STK3: variants seen among roughly 807,000 people sequenced by gnomAD.
STK3 encodes serine/threonine kinase 3.
A neutral mutation model predicts 58.0 loss-of-function variants in STK3; 41 were observed. The observed-to-expected ratio is 0.71, with a 90% CI of 0.55 to 0.92. The LOEUF is 0.92. Ranked by LOEUF, STK3 falls within the 40% of genes least tolerant of loss-of-function variation. The probability of loss-of-function intolerance (pLI) is 0.00; values close to 1 mark genes in which losing one functional copy is unlikely to be tolerated. For synonymous variants in STK3, 170 were observed against 191.0 expected, an observed-to-expected ratio of 0.89 and a Z score of 0.91; for missense variants, 479 against 602.7, an observed-to-expected ratio of 0.79 and a Z score of 2.15.
chr8:98,586,763 C>G (rs1051714214), intron 7 of STK3, among the ~76,000 whole-genome samples: 1 of 151,976 alleles, frequency 6.6e-6, no homozygotes, highest in Non-Finnish European at 1.5e-5. Context: ...TGATTATTGC[C>G]ACAATTTCAG....
At chr8:98,697,144 T>C (rs1396653086) in intron 6 of STK3, among the ~76,000 whole-genome samples, 3 of 152,252 alleles carry the variant, frequency 2.0e-5, no homozygotes, top group Non-Finnish European at 4.4e-5. Context: ...TTTATTTGCA[T>C]AGAGGTGTTT....
At chr8:98,911,818 TA>T in intron 1 of STK3, among the ~76,000 whole-genome samples, 1 of 151,356 alleles carries the variant, frequency 6.6e-6, no homozygotes, top group Middle Eastern at 3.4e-3. Flanking sequence ...GGGAATTTTT[TA>T]AAAAATGAAA....
chr8:98,724,325 G>A (rs1232193944), intron 4 of STK3, among the ~76,000 whole-genome samples: 2 of 152,186 alleles, frequency 1.3e-5, no homozygotes, highest in Non-Finnish European at 2.9e-5. Flanking sequence ...GCTTCACAGA[G>A]ATGACTTTTG....
intron 6 of STK3, among the ~76,000 whole-genome samples, chr8:98,611,402 A>G (rs928014977): frequency 6.6e-6 from 1 of 152,162 alleles, no homozygotes; most frequent in Admixed American, 6.5e-5. Flanking sequence ...AAAAAACAAT[A>G]GATCTCAGAA....
intron 10 of STK3, among the ~76,000 whole-genome samples, chr8:98,464,631 C>T (rs1481552408): frequency 1.3e-5 from 2 of 150,612 alleles, no homozygotes; most frequent in Non-Finnish European, 3.0e-5. Flanking sequence ...TGATTTAATT[C>T]CTGGCACTGA....
intron 1 of STK3, chr8:98,905,327 G>A (rs1407749415): frequency 3.3e-6 from 3 of 899,530 alleles, no homozygotes; most frequent in South Asian, 1.3e-5. Context: ...TGAAGTGTAT[G>A]AGGACATAAT....
intron 6 of STK3, among the ~76,000 whole-genome samples, chr8:98,685,379 A>G (rs532492896): frequency 6.8e-4 from 104 of 152,316 alleles, no homozygotes; most frequent in Middle Eastern, 3.4e-3. Flanking sequence ...AAGAGTAGGA[A>G]TGCCTCTTTC....
chr8:98,724,088 G>C (rs1296901682), intron 4 of STK3, among the ~76,000 whole-genome samples: 1 of 152,134 alleles, frequency 6.6e-6, no homozygotes, highest in African/African-American at 2.4e-5. Flanking sequence ...ATGACACTCA[G>C]AATTTTGTGG....
chr8:98,942,500 TGCGGA>T (rs1401381482), exon 1 of STK3: 1 of 152,254 alleles, frequency 6.6e-6, no homozygotes, highest in Admixed American at 6.5e-5. Flanking sequence ...TTAGGAGGTT[TGCGGA>T]AAGAGGGAGC....
At chr8:98,452,757 ATTTTTTTTT>A (rs11329886), downstream of STK3, among the ~76,000 whole-genome samples, 1 of 110,470 alleles carries the variant, frequency 9.1e-6, no homozygotes, top group Non-Finnish European at 1.9e-5. Context: ...AGACTTGAAG[ATTTTTTTTT>A]TTTTTTTTTT....
intron 6 of STK3, among the ~76,000 whole-genome samples, chr8:98,660,463 T>A (rs571734579): frequency 5.3e-5 from 8 of 152,148 alleles, no homozygotes; most frequent in Non-Finnish European, 1.0e-4. Context: ...AAAGTAAAAA[T>A]GGAAGATCTG....
At chr8:98,387,872 C>CTTTT (rs1178928185) in intron 1 of STK3, among the ~76,000 whole-genome samples, 2,070 of 144,610 alleles carry the variant, frequency 0.014, 78 homozygotes, top group East Asian at 0.12. Flanking sequence ...TGTAAAATGC[C>CTTTT]CTTTTTTTTT....
chr8:98,572,376 A>C (rs565049537), intron 8 of STK3, among the ~76,000 whole-genome samples: 1 of 152,282 alleles, frequency 6.6e-6, no homozygotes, highest in East Asian at 1.9e-4. Context: ...TTTATAAAAA[A>C]TATTTTACTT....
chr8:98,380,215 T>C (rs1393488700), intron 1 of STK3, among the ~76,000 whole-genome samples: 1 of 152,320 alleles, frequency 6.6e-6, no homozygotes, highest in East Asian at 1.9e-4. Context: ...GTGAATACGC[T>C]CTACGTTCCT....
intron 10 of STK3, among the ~76,000 whole-genome samples, chr8:98,490,072 T>C: frequency 6.6e-6 from 1 of 152,188 alleles, no homozygotes; most frequent in East Asian, 1.9e-4. Context: ...TGTTCTATAG[T>C]TTATTTCTTA....
chr8:98,903,654 C>T (rs1354925021), intron 1 of STK3, among the ~76,000 whole-genome samples: 1 of 151,662 alleles, frequency 6.6e-6, no homozygotes, highest in African/African-American at 2.4e-5. Flanking sequence ...ATCCTCTAGC[C>T]TCAGCCTTCC....
At chr8:98,724,334 T>G (rs1010239336) in intron 4 of STK3, among the ~76,000 whole-genome samples, 10 of 152,206 alleles carry the variant, frequency 6.6e-5, no homozygotes, top group African/African-American at 2.2e-4. Flanking sequence ...AGATGACTTT[T>G]GAGCTGACTC....
intron 3 of STK3, among the ~76,000 whole-genome samples, chr8:98,763,091 TA>T (rs1830733182): frequency 6.6e-6 from 1 of 152,204 alleles, no homozygotes; most frequent in Non-Finnish European, 1.5e-5. Context: ...ATAAAAGCAA[TA>T]ATGAGGTTCT....
At chr8:98,627,136 T>C (rs538766613) in intron 6 of STK3, among the ~76,000 whole-genome samples, 1 of 152,180 alleles carries the variant, frequency 6.6e-6, no homozygotes, top group Non-Finnish European at 1.5e-5. Context: ...CTCAACACTT[T>C]GGGAGGCCAA....
Sources: allele counts gnomAD v4.1 joint callset (sites outside exome capture counted in the v4.1 genomes callset), GRCh38; gene constraint gnomAD v4.1.1; transcripts MANE v1.5; gene names NCBI Gene and HGNC (gene_info 2026-07-23, HGNC 2026-07-21).